NLRP9: variants seen among roughly 807,000 people sequenced by gnomAD.
NLRP9 encodes the protein NACHT, LRR and PYD domains-containing protein 9.
Under a neutral mutation model 83.1 loss-of-function variants are expected in NLRP9, and 88 were observed. That is an observed-to-expected ratio of 1.06 (90% CI 0.89 to 1.26). NLRP9 has a LOEUF of 1.26. NLRP9 is among the 50% of genes most tolerant of loss of function. The pLI, the probability that NLRP9 is intolerant of heterozygous loss-of-function variation, is 0.00. For missense variants in NLRP9, 1,308 were observed against 1,179.3 expected, an observed-to-expected ratio of 1.11 and a Z score of -1.60; for synonymous variants, 521 against 447.6, an observed-to-expected ratio of 1.16 and a Z score of -2.07.
At chr19:55,724,190 G>A in intron 3 of NLRP9, 46 bp from the exon 4 acceptor site, 1 of 1,365,558 alleles carries the variant, frequency 7.3e-7, no homozygotes, top group Non-Finnish European at 1.0e-6. Flanking sequence ...TGAGATCCCA[G>A]CACAAAGACA....
At chr19:55,712,999 C>T (rs144031917) in intron 6 of NLRP9, among the ~76,000 whole-genome samples, 1 of 141,656 alleles carries the variant, frequency 7.1e-6, no homozygotes, top group African/African-American at 2.6e-5. Context: ...GTGGAAGCAG[C>T]AATGACTTCC....
At chr19:55,715,294 T>C (rs377024449) in intron 5 of NLRP9, 69 bp from the exon 6 acceptor site, 2 of 1,360,768 alleles carry the variant, frequency 1.5e-6, no homozygotes, top group African/African-American at 1.4e-5. Flanking sequence ...AAACACACCA[T>C]CTCCCAGCCC....
chr19:55,720,335 T>C (rs1988186114), intron 4 of NLRP9, among the ~76,000 whole-genome samples: 1 of 152,142 alleles, frequency 6.6e-6, no homozygotes, highest in South Asian at 2.1e-4. Context: ...ACAATTATTT[T>C]CTTTTGAGAC....
chr19:55,728,868 G>T (rs943503049), intron 3 of NLRP9, among the ~76,000 whole-genome samples: 1 of 151,976 alleles, frequency 6.6e-6, no homozygotes, highest in Non-Finnish European at 1.5e-5. Context: ...GAACAGCATG[G>T]CCCAGGCAAA....
Position 55,733,037 on chromosome 19 carries a change from A to G in NLRP9, c.794T>C (p.Met265Thr), listed in dbSNP as rs368394610. The G allele has an allele frequency of 6.8e-6, 11 of 1,613,486 alleles. No individual in the cohort carries two copies. Among genetic ancestry groups the G allele is most frequent in the Non-Finnish European group, 9.3e-6 (11 of 1,179,926 alleles). Residue 265 changes from methionine to threonine, a missense_variant, in exon 2 of 9, where the codon ATG (methionine) becomes ACG (threonine). Transcript: ENST00000332836. ...IILSSLLQKKMLPESSLLIAL... is the reference protein window; with the variant it reads ...IILSSLLQKKTLPESSLLIAL... ...AATAAGGAGAGAGGATTCTGGAAGC[A>G]TCTTTTTTTGCAACAAACTGCTCAG...
rs773056109 is a variant in NLRP9 at position 55,729,875 on chromosome 19, A to G, written c.1950T>C (p.Leu650=). 6.2e-7 allele frequency: 1 copy of G among 1,613,900 alleles called. No homozygotes were observed. The highest frequency in any genetic ancestry group is 1.7e-5 in the Admixed American group (1 of 59,998). ...AAACAGGCTGAGCCAGCGCTTTGCA[A>G]AGAATCGCCAGGGAGGGATCATCGA... ...TSLDDPSLAI[L]CKALAQPVCK... Residue 650 remains leucine (L), a synonymous_variant, in exon 3 of 9, where the codon CTT becomes CTC. Transcript: ENST00000332836.
In NLRP9 at chr19:55,730,039, C is replaced by G. The variant is rs962958652; in HGVS notation, c.1833-47G>C. The G allele has an allele frequency of 7.1e-6, 11 of 1,552,888 alleles. No individual in the cohort carries two copies. In the African/African-American group the frequency reaches 1.1e-4, roughly 15 times the overall value. Reference sequence around the variant, plus strand: ...GATTCTCCAGTGGCTAAACTCAATTCAAGACATTCTCAAAACAGGTCGAAC... The same window carrying G: ...GATTCTCCAGTGGCTAAACTCAATTGAAGACATTCTCAAAACAGGTCGAAC... On this transcript the variant is annotated intron_variant, in intron 2 of 8. Coordinates refer to ENST00000332836, the MANE Select transcript of NLRP9 (RefSeq NM_176820.4).
chr19:55,736,916 T>C (rs1988800768), intron 1 of NLRP9, among the ~76,000 whole-genome samples: 1 of 149,764 alleles, frequency 6.7e-6, no homozygotes, highest in Non-Finnish European at 1.5e-5. Context: ...CCCTCAAGCA[T>C]GTGGGGATAC....
Position 55,708,966 on chromosome 19 carries a change from A to G in NLRP9, c.2922T>C (p.Ile974=). Residue 974 remains isoleucine (I), a synonymous_variant, in exon 9 of 9, where the codon ATT becomes ATC. Transcript: ENST00000332836. The part of the protein sequence containing the change: ...SVEEKIPHLT[I]SHGPWIDEEY... ...CCTCGTCAATCCAAGGTCCATGTGA[A>G]ATGGTCAGATGGGGAATTTTTTCTT... The G allele has an allele frequency of 1.3e-6, 2 of 1,591,104 alleles. No homozygotes were observed. Among genetic ancestry groups the G allele is most frequent in the Non-Finnish European group, 1.7e-6 (2 of 1,171,242 alleles).
chr19:55,724,365 C>T lies in NLRP9; in HGVS notation c.1995-221G>A, dbSNP rs1033029635. 2.6e-5 allele frequency among the ~76,000 whole-genome samples: 4 copies of T among 152,266 alleles called. No homozygotes were observed. The South Asian group carries it at 8.3e-4, about 32-fold the overall frequency. ...GAACTTTCCTGTTTCTTCCTAGCCC[C>T]TCCACTTCTACATAACTCCAAACAT... On this transcript the variant is annotated intron_variant, in intron 3 of 8. Coordinates refer to ENST00000332836, the MANE Select transcript of NLRP9 (RefSeq NM_176820.4).
At chr19:55,711,595 CT>C (rs1342333809) in intron 8 of NLRP9, 2 of 903,674 alleles carry the variant, frequency 2.2e-6, no homozygotes, top group South Asian at 1.4e-5. Context: ...CTACTGGCAA[CT>C]CATGAGAAAG....
chr19:55,724,107 A>G lies in NLRP9; in HGVS notation c.2032T>C (p.Phe678Leu). 1 of 1,613,534 alleles carries G rather than the reference A, an allele frequency of 6.2e-7. No homozygotes were observed. The highest frequency in any genetic ancestry group is 8.5e-7 in the Non-Finnish European group (1 of 1,179,596). Reference sequence around the variant, plus strand: ...TGAGGGTTGTGAAGAACTGCCTTAAATAATTCTGAATCATGTCCAAAGTAC... The same window carrying G: ...TGAGGGTTGTGAAGAACTGCCTTAAGTAATTCTGAATCATGTCCAAAGTAC... ...SVYFGHDSELFKAVLHNPHLK... is the reference protein window; with the variant it reads ...SVYFGHDSELLKAVLHNPHLK... Residue 678 changes from phenylalanine to leucine, a missense_variant, in exon 4 of 9, where the codon TTT (phenylalanine) becomes CTT (leucine). Transcript: ENST00000332836.
intron 4 of NLRP9, among the ~76,000 whole-genome samples, chr19:55,719,953 A>G (rs1988172173): frequency 6.6e-6 from 1 of 152,246 alleles, no homozygotes; most frequent in East Asian, 1.9e-4. Context: ...TAGAAAAAGC[A>G]TGGCAGCCTG....
rs56211941 is a variant in NLRP9, at chr19:55,738,306, A to G, written c.69T>C (p.Phe23=). Residue 23 remains phenylalanine, a synonymous_variant, in exon 1 of 9, where the codon TTT becomes TTC. Transcript: ENST00000332836. ...GTTTGAGGAGCTCCTTAAATTTCCA[A>G]AACTCTTCCTTTCTGAGCTCCTTCA... ...WYLKELRKEE[F]WKFKELLKQP... is the part of the protein sequence containing the mutation. 337,838 of 1,613,678 alleles carry G rather than the reference A, an allele frequency of 0.21. 38,838 individuals are homozygous for G. Among genetic ancestry groups the G allele is most frequent in the South Asian group, 0.41 (37,445 of 91,056 alleles).
chr19:55,709,097 T>C (rs1987587987), intron 8 of NLRP9, 53 bp from the exon 9 acceptor site: 2 of 1,362,694 alleles, frequency 1.5e-6, no homozygotes, highest in South Asian at 1.4e-5. Flanking sequence ...TTACACAGTA[T>C]TGCCTCTCTA....
chr19:55,717,906 C>T (rs1011227227), intron 4 of NLRP9, among the ~76,000 whole-genome samples: 11 of 152,126 alleles, frequency 7.2e-5, no homozygotes, highest in African/African-American at 2.4e-4. Context: ...CTCCTGCACT[C>T]GTGTGGGGAA....
At chr19:55,734,808 T>C (rs988084090) in intron 1 of NLRP9, among the ~76,000 whole-genome samples, 1 of 152,038 alleles carries the variant, frequency 6.6e-6, no homozygotes, top group African/African-American at 2.4e-5. Context: ...CTAATTTTTG[T>C]ATTTTTCGTA....
Position 55,732,235 on chromosome 19 carries a change from T to C in NLRP9, c.1596A>G (p.Gln532=), listed in dbSNP as rs1356307181. The C allele has an allele frequency of 2.5e-6, 4 of 1,613,900 alleles. No homozygotes were observed. Among genetic ancestry groups the C allele is most frequent in the African/African-American group, 1.3e-5 (1 of 74,936 alleles). Reference sequence around the variant, plus strand: ...CTATGGCTTCCCTATCAGCTTCACATTGACTTAAACTTTCAAGGCATTGGG... The same window carrying C: ...CTATGGCTTCCCTATCAGCTTCACACTGACTTAAACTTTCAAGGCATTGGG... The part of the protein sequence containing the change: ...EITQCLESLS[Q]CEADREAIAF... The change falls in exon 2 of 9, where the codon CAA becomes CAG. Residue 532 remains glutamine, a synonymous_variant. Transcript: ENST00000332836.
chr19:55,732,442 T>C lies in NLRP9; in HGVS notation c.1389A>G (p.Lys463=), dbSNP rs750898908. The C allele has an allele frequency of 6.2e-7, 1 of 1,614,220 alleles. No homozygotes were observed. The highest frequency in any genetic ancestry group is 1.1e-5 in the South Asian group (1 of 91,088). Residue 463 remains lysine, a synonymous_variant, in exon 2 of 9, where the codon AAA becomes AAG. Coordinates refer to ENST00000332836, the MANE Select transcript of NLRP9 (RefSeq NM_176820.4). ...AAMFYLLKRP[K]DDPNPAIGSI... ...TTCCAATGGCCGGGTTAGGATCGTC[T>C]TTGGGTCGTTTGAGCAAATAAAACA...
Sources: gnomAD v4.1 joint callset for allele counts (sites outside exome capture counted in the v4.1 genomes callset) on GRCh38, gnomAD v4.1.1 for gene constraint, MANE v1.5 for transcripts, NCBI Gene and HGNC (gene_info 2026-07-23, HGNC 2026-07-21) for gene names.